The following CMSS1 variants were observed in gnomAD, a reference collection of about 807,000 sequenced individuals.
The protein encoded by CMSS1 is cms1 ribosomal small subunit homolog.
A neutral mutation model predicts 43.5 loss-of-function variants in CMSS1; 33 were observed. The observed-to-expected ratio is 0.76, with a 90% CI of 0.57 to 1.01. The LOEUF is 1.01. Ranked by LOEUF, CMSS1 falls within the 50% of genes least tolerant of loss-of-function variation. CMSS1 has a pLI of 0.00. For synonymous variants in CMSS1, 115 were observed against 117.2 expected, an observed-to-expected ratio of 0.98 and a Z score of 0.12; for missense variants, 313 against 326.4, an observed-to-expected ratio of 0.96 and a Z score of 0.32.
intron 1 of CMSS1, among the ~76,000 whole-genome samples, chr3:99,891,892 T>G (rs1706093322): frequency 1.3e-5 from 2 of 152,196 alleles, no homozygotes; most frequent in Non-Finnish European, 1.5e-5. Flanking sequence ...TAGTCATTCT[T>G]AGGTCTACAT....
At chr3:99,842,150 G>A (rs545031853) in intron 1 of CMSS1, among the ~76,000 whole-genome samples, 3 of 152,150 alleles carry the variant, frequency 2.0e-5, no homozygotes, top group Admixed American at 6.6e-5. Flanking sequence ...ATACTACTCG[G>A]CCATGAAAAG....
chr3:100,171,243 C>CT (rs1473242452), intron 6 of CMSS1, among the ~76,000 whole-genome samples: 1 of 151,636 alleles, frequency 6.6e-6, no homozygotes, highest in Non-Finnish European at 1.5e-5. Flanking sequence ...TCTTTTCCTG[C>CT]TTTTTGGCTG....
intron 1 of CMSS1, among the ~76,000 whole-genome samples, chr3:100,027,258 A>G (rs1172934024): frequency 6.6e-6 from 1 of 152,112 alleles, no homozygotes; most frequent in African/African-American, 2.4e-5. Flanking sequence ...TTCCACGTGG[A>G]TAGGGACTTT....
chr3:99,976,615 A>G (rs1192900760), intron 1 of CMSS1, among the ~76,000 whole-genome samples: 3 of 152,116 alleles, frequency 2.0e-5, no homozygotes, highest in South Asian at 2.1e-4. Context: ...CATAATTTTT[A>G]TCTTTGTTCC....
chr3:100,062,093 C>CT lies in CMSS1; in HGVS notation c.65-84844dup, dbSNP rs71907944. Among the ~76,000 whole-genome samples the CT allele has an allele frequency of 2.8e-3, 148 of 53,172 alleles. 46 individuals are homozygous for CT. Among genetic ancestry groups the CT allele is most frequent in the Middle Eastern group, 0.014 (1 of 72 alleles). 34.9% of individuals were successfully genotyped at this position (53,172 alleles called of 152,430 possible). A position where few individuals can be genotyped will look rare whatever the true frequency, so the allele number is the denominator to read the frequency against. The stretch of plus-strand genomic sequence containing the variant: ...CCACTTGTGGTTATCCTGTCTTCTT[C>CT]TTTTTTTTTTTTTTTTTTTTTTTTT... On this transcript the variant is annotated intron_variant, in intron 1 of 9. Transcript: ENST00000421999.
chr3:99,930,759 C>T (rs759222830), intron 1 of CMSS1: 1 of 1,612,622 alleles, frequency 6.2e-7, no homozygotes, highest in East Asian at 2.2e-5. Flanking sequence ...ATAACTCCAA[C>T]CCAGCTGACC....
chr3:99,884,748 C>T (rs528681670), intron 1 of CMSS1, among the ~76,000 whole-genome samples: 1 of 152,308 alleles, frequency 6.6e-6, no homozygotes, highest in Admixed American at 6.5e-5. Context: ...TGACTGTTAG[C>T]TTTCAGTTCA....
intron 1 of CMSS1, among the ~76,000 whole-genome samples, chr3:99,909,248 C>T (rs921111909): frequency 6.6e-6 from 1 of 152,124 alleles, no homozygotes; most frequent in Non-Finnish European, 1.5e-5. Flanking sequence ...TGATCCAATA[C>T]CAAACAGAAA....
chr3:99,946,304 A>T (rs993999050), intron 1 of CMSS1, among the ~76,000 whole-genome samples: 3 of 152,224 alleles, frequency 2.0e-5, no homozygotes, highest in African/African-American at 7.2e-5. Flanking sequence ...CTATGTCTTC[A>T]CTCAGTCAAT....
At chr3:99,934,702 C>G (rs1372599953) in intron 1 of CMSS1, among the ~76,000 whole-genome samples, 1 of 152,188 alleles carries the variant, frequency 6.6e-6, no homozygotes, top group Non-Finnish European at 1.5e-5. Context: ...CTGAATGGAG[C>G]TCTGTATACA....
chr3:99,818,500 C>A (rs186737426), intron 1 of CMSS1, among the ~76,000 whole-genome samples: 166 of 152,246 alleles, frequency 1.1e-3, no homozygotes, highest in African/African-American at 3.8e-3. Flanking sequence ...CAATAATGTC[C>A]ATTTCGTAAA....
At chr3:100,055,686 G>T (rs1439810829) in intron 1 of CMSS1, among the ~76,000 whole-genome samples, 1 of 152,058 alleles carries the variant, frequency 6.6e-6, no homozygotes, top group Non-Finnish European at 1.5e-5. Context: ...TCCTTTCCCT[G>T]TTCTTTAGTA....
intron 1 of CMSS1, among the ~76,000 whole-genome samples, chr3:100,063,054 T>C (rs1220172394): frequency 3.3e-5 from 5 of 152,248 alleles, no homozygotes; most frequent in Admixed American, 2.0e-4. Context: ...TTGGAGTTCA[T>C]TGAGGCCAAA....
intron 1 of CMSS1, among the ~76,000 whole-genome samples, chr3:99,983,458 A>ATATGTGTATG (rs771146451): frequency 6.8e-4 from 11 of 16,244 alleles, no homozygotes; most frequent in East Asian, 5.0e-3. Context: ...ATATATATAT[A>ATATGTGTATG]TGTGTGTATA....
At chr3:100,048,023 T>C (rs1647373752) in intron 1 of CMSS1, among the ~76,000 whole-genome samples, 1 of 152,042 alleles carries the variant, frequency 6.6e-6, no homozygotes, top group Non-Finnish European at 1.5e-5. Flanking sequence ...CTTGTGAAAG[T>C]GAAAGGGTTT....
At chr3:99,923,571 C>A (rs1046905742) in intron 1 of CMSS1, among the ~76,000 whole-genome samples, 5 of 152,160 alleles carry the variant, frequency 3.3e-5, no homozygotes, top group African/African-American at 9.7e-5. Context: ...CATGCGCACA[C>A]CCCCCTCCCA....
At chr3:100,163,001 C>G (rs897142361) in intron 4 of CMSS1, among the ~76,000 whole-genome samples, 7 of 152,108 alleles carry the variant, frequency 4.6e-5, no homozygotes, top group Admixed American at 2.0e-4. Context: ...CATAATACTT[C>G]TTTTCCTCAA....
At chr3:99,856,061 A>G (rs575267499) in intron 1 of CMSS1, among the ~76,000 whole-genome samples, 3 of 152,076 alleles carry the variant, frequency 2.0e-5, no homozygotes, top group Non-Finnish European at 2.9e-5. Context: ...TGCTCCATCC[A>G]TTGTTTGGTT....
At chr3:100,037,704 A>G (rs2065131202) in intron 1 of CMSS1, among the ~76,000 whole-genome samples, 1 of 152,174 alleles carries the variant, frequency 6.6e-6, no homozygotes, top group African/African-American at 2.4e-5. Flanking sequence ...CTGTCCTGAT[A>G]AGTTTCTCTA....
Sources: gnomAD v4.1 joint callset for allele counts (sites outside exome capture counted in the v4.1 genomes callset) on GRCh38, gnomAD v4.1.1 for gene constraint, MANE v1.5 for transcripts, NCBI Gene and HGNC (gene_info 2026-07-23, HGNC 2026-07-21) for gene names.